KCNH8: variants seen among roughly 807,000 people sequenced by gnomAD.
KCNH8 encodes the protein potassium voltage-gated channel subfamily H member 8.
Under a neutral mutation model 103.6 loss-of-function variants are expected in KCNH8, and 70 were observed. The observed-to-expected ratio is 0.68, with a 90% CI of 0.56 to 0.82. The LOEUF is 0.82. KCNH8 is among the 40% of genes least tolerant of loss of function. KCNH8 has a pLI of 0.00. For synonymous variants in KCNH8, 498 were observed against 489.4 expected (o/e 1.02, Z -0.23); for missense variants, 1,217 against 1,329.9 (o/e 0.92, Z 1.32).
intron 1 of KCNH8, among the ~76,000 whole-genome samples, chr3:19,154,730 G>A (rs1282806768): frequency 2.6e-5 from 4 of 152,138 alleles, no homozygotes; most frequent in African/African-American, 7.2e-5. Flanking sequence ...CTCCAGGGCG[G>A]TTTACCCCTG....
intron 8 of KCNH8, among the ~76,000 whole-genome samples, chr3:19,441,483 G>A (rs1348229): frequency 0.73 from 110,361 of 152,114 alleles, 41,332 homozygotes; most frequent in African/African-American, 0.93. Flanking sequence ...TCAGATGACA[G>A]ATCTAAAGTA....
At chr3:19,518,476 G>A (rs2125246100) in intron 15 of KCNH8, among the ~76,000 whole-genome samples, 1 of 152,120 alleles carries the variant, frequency 6.6e-6, no homozygotes, top group Admixed American at 6.6e-5. Flanking sequence ...CTGTTTCTCA[G>A]TGTAGTCAAA....
rs142941702 is a variant in KCNH8, at chr3:19,488,680, A to G, written c.2041-21683A>G. On this transcript the variant is annotated intron_variant, in intron 11 of 15. Transcript: ENST00000328405. ...TTAGACCTTTTATCAATGCCTTAGG[A>G]TACCATCTTAGCCTCCCTGTGTCTG... Among the ~76,000 whole-genome samples the G allele has an allele frequency of 8.6e-3, 1,307 of 152,152 alleles. 16 individuals carry two copies. Among genetic ancestry groups the G allele is most frequent in the South Asian group, 0.019 (92 of 4,800 alleles).
intron 2 of KCNH8, among the ~76,000 whole-genome samples, chr3:19,278,278 C>A (rs1291754702): frequency 6.6e-6 from 1 of 151,834 alleles, no homozygotes; most frequent in Non-Finnish European, 1.5e-5. Flanking sequence ...GAAGATAATG[C>A]AGTTGGTATA....
chr3:19,151,829 AT>A lies in KCNH8; in HGVS notation c.76+3035del, dbSNP rs1302681822. On this transcript the variant is annotated intron_variant, in intron 1 of 15. Transcript: ENST00000328405. Reference sequence around the variant, plus strand: ...TGAGGCTATTTTTTTCTGATATGCAATATAATTTGCAACCATTATTGAAAAA... The same window carrying A: ...TGAGGCTATTTTTTTCTGATATGCAAATAATTTGCAACCATTATTGAAAAA... Among the ~76,000 whole-genome samples the A allele has an allele frequency of 2.6e-5, 4 of 152,114 alleles. No individual in the cohort carries two copies. In the South Asian group the frequency reaches 6.2e-4, roughly 24 times the overall value.
intron 11 of KCNH8, among the ~76,000 whole-genome samples, chr3:19,490,692 C>G (rs1473551116): frequency 6.6e-6 from 1 of 152,120 alleles, no homozygotes; most frequent in Non-Finnish European, 1.5e-5. Context: ...GAGGGGTGGT[C>G]TCCCCCCCTT....
At chr3:19,220,966 G>A (rs1218704119) in intron 1 of KCNH8, among the ~76,000 whole-genome samples, 1 of 152,160 alleles carries the variant, frequency 6.6e-6, no homozygotes, top group African/African-American at 2.4e-5. Flanking sequence ...TTTACCATGT[G>A]CCGCAATCAT....
intron 11 of KCNH8, among the ~76,000 whole-genome samples, chr3:19,483,281 T>G (rs2068128752): frequency 6.6e-6 from 1 of 152,164 alleles, no homozygotes; most frequent in South Asian, 2.1e-4. Context: ...GTTTGCAACT[T>G]TGGGAATTTA....
Position 19,493,977 on chromosome 3 carries a change from A to G in KCNH8, c.2041-16386A>G, listed in dbSNP as rs149011492. Among the ~76,000 whole-genome samples the G allele has an allele frequency of 4.4e-3, 673 of 152,264 alleles. 4 individuals are homozygous for G. The highest frequency in any genetic ancestry group is 0.02 in the South Asian group (95 of 4,820). The stretch of plus-strand genomic sequence containing the variant: ...ATGTACTAAGCCTAGTATCCAATAG[A>G]TATTTTTTCTGATGCTTTGCCTACT... On this transcript the variant is annotated intron_variant, in intron 11 of 15. Coordinates refer to ENST00000328405, the MANE Select transcript of KCNH8 (RefSeq NM_144633.3).
At chr3:19,170,559 G>A (rs144275368) in intron 1 of KCNH8, among the ~76,000 whole-genome samples, 99 of 146,360 alleles carry the variant, frequency 6.8e-4, no homozygotes, top group Non-Finnish European at 1.2e-3. Context: ...TCTTCCTTCA[G>A]CAAGTGCCCC....
chr3:19,230,478 C>T (rs1172410208), intron 1 of KCNH8, among the ~76,000 whole-genome samples: 1 of 152,024 alleles, frequency 6.6e-6, no homozygotes, highest in African/African-American at 2.4e-5. Flanking sequence ...AGCATAAATA[C>T]CAGACTTGAT....
At chr3:19,372,739 G>A (rs1175834864) in intron 5 of KCNH8, among the ~76,000 whole-genome samples, 3 of 152,092 alleles carry the variant, frequency 2.0e-5, no homozygotes, top group Non-Finnish European at 4.4e-5. Context: ...TATGATATTG[G>A]CTGTGGGTTT....
chr3:19,358,160 C>G (rs1270033275), intron 5 of KCNH8, among the ~76,000 whole-genome samples: 1 of 137,920 alleles, frequency 7.3e-6, no homozygotes, highest in East Asian at 2.1e-4. Flanking sequence ...TCCTTCCTTT[C>G]TTCCTTCCTT....
intron 1 of KCNH8, among the ~76,000 whole-genome samples, chr3:19,248,178 C>T (rs1433751201): frequency 1.3e-5 from 2 of 152,098 alleles, no homozygotes; most frequent in African/African-American, 4.8e-5. Context: ...TAGGGATATG[C>T]TTCTAGGCCC....
In KCNH8 at chr3:19,451,419, A is replaced by G. The variant is rs1408621599; in HGVS notation, c.1825+15A>G. 6.2e-7 allele frequency: 1 copy of G among 1,608,576 alleles called. No individual in the cohort carries two copies. The highest frequency in any genetic ancestry group is 1.7e-5 in the Admixed American group (1 of 59,498). On this transcript the variant is annotated intron_variant, in intron 10 of 15. Transcript: ENST00000328405. The stretch of plus-strand genomic sequence containing the variant: ...GGCTATTCTTGGTAGGTCTGAATTG[A>G]AAAACTTGTATGAAATTTGACTCTG...
At chr3:19,271,846 C>G (rs2064593050) in intron 2 of KCNH8, among the ~76,000 whole-genome samples, 1 of 152,104 alleles carries the variant, frequency 6.6e-6, no homozygotes, top group African/African-American at 2.4e-5. Flanking sequence ...CCTGCATGTT[C>G]CTGTTACATC....
Position 19,513,220 on chromosome 3 carries a change from C to A in KCNH8, c.2330C>A (p.Thr777Asn), listed in dbSNP as rs1408071627. 6.2e-7 allele frequency: 1 copy of A among 1,613,810 alleles called. No individual in the cohort carries two copies. Among genetic ancestry groups the A allele is most frequent in the Non-Finnish European group, 8.5e-7 (1 of 1,179,936 alleles). The change falls in exon 13 of 16, where the codon ACC (threonine) becomes AAC (asparagine). Residue 777 changes from threonine to asparagine, a missense_variant. Around this residue, in one of 3 missense-constraint regions of KCNH8, gnomAD observed 558 missense variants for 495.8 expected, o/e 1.13. Coordinates refer to ENST00000328405, the MANE Select transcript of KCNH8 (RefSeq NM_144633.3). ...GTCTCCAGGTCAAATTCCCCCAAAA[C>A]CAAGCAGGAAATTGACCCCCCCAAC... ...IRVSRSNSPK[T>N]KQEIDPPNHN...
chr3:19,372,681 C>T lies in KCNH8; in HGVS notation c.812-17800C>T, dbSNP rs545180768. Among the ~76,000 whole-genome samples, 40 of 152,224 alleles carry T rather than the reference C, an allele frequency of 2.6e-4. No homozygotes were observed. In the South Asian group the frequency reaches 7.7e-3, roughly 29 times the overall value. On this transcript the variant is annotated intron_variant, in intron 5 of 15. Coordinates refer to ENST00000328405, the MANE Select transcript of KCNH8 (RefSeq NM_144633.3). ...GGAGTGGTGAGAGAGGGCATCCCTG[C>T]CTTCTGCCCGTTTTCAAAGGGAATG...
intron 1 of KCNH8, among the ~76,000 whole-genome samples, chr3:19,164,273 GAGA>G: frequency 6.6e-6 from 1 of 152,150 alleles, no homozygotes; most frequent in Non-Finnish European, 1.5e-5. Context: ...GCTAGAACAG[GAGA>G]AGGCTTGGCT....
Sources: allele counts gnomAD v4.1 joint callset (sites outside exome capture counted in the v4.1 genomes callset), GRCh38; gene constraint gnomAD v4.1.1; regional missense constraint gnomAD v4.1.1; transcripts MANE v1.5; gene names NCBI Gene and HGNC (gene_info 2026-07-23, HGNC 2026-07-21).